The following PAK4 variants were observed in gnomAD, a reference collection of about 807,000 sequenced individuals.
PAK4 encodes the protein serine/threonine-protein kinase PAK 4.
PAK4 carries 49 observed loss-of-function variants against 53.5 expected under a neutral mutation model. The ratio of observed to expected loss-of-function variants is 0.92; its 90% CI spans 0.73 to 1.16. The LOEUF is 1.16. Ranked by LOEUF, PAK4 falls within the 50% of genes most tolerant of loss-of-function variation. The pLI, the probability that PAK4 is intolerant of heterozygous loss-of-function variation, is 0.00. For missense variants in PAK4, 824 were observed against 850.7 expected (o/e 0.97, Z 0.39); for synonymous variants, 376 against 375.6 (o/e 1.00, Z -0.01).
At chr19:39,167,950 C>T (rs2074406302) in intron 1 of PAK4, 1 of 152,382 alleles carries the variant, frequency 6.6e-6, no homozygotes, top group African/African-American at 2.4e-5. Flanking sequence ...ACCTGCATGT[C>T]CCCTCGTCCC....
chr19:39,167,169 A>T (rs946994039), intron 1 of PAK4, among the ~76,000 whole-genome samples: 3 of 152,096 alleles, frequency 2.0e-5, no homozygotes, highest in Non-Finnish European at 4.4e-5. Context: ...GAGGGGTCAC[A>T]TGGCTGATCC....
intron 1 of PAK4, among the ~76,000 whole-genome samples, chr19:39,142,716 G>A (rs892010259): frequency 1.3e-5 from 2 of 152,188 alleles, no homozygotes; most frequent in African/African-American, 4.8e-5. Context: ...TCCGCATCGC[G>A]TGGTGGTGAC....
exon 2 of PAK4, chr19:39,169,595 G>C: frequency 1.2e-6 from 2 of 1,612,156 alleles, no homozygotes; most frequent in Non-Finnish European, 8.5e-7. Context: ...TCTCCGCGCC[G>C]TCCAACTTCG....
chr19:39,151,737 A>G (rs989085902), intron 1 of PAK4, among the ~76,000 whole-genome samples: 2 of 152,346 alleles, frequency 1.3e-5, no homozygotes, highest in African/African-American at 4.8e-5. Flanking sequence ...GCCCAAAAGT[A>G]CATGGAAAAT....
intron 1 of PAK4, among the ~76,000 whole-genome samples, chr19:39,153,471 T>TCACACTG (rs2074126710): frequency 8.4e-6 from 1 of 118,818 alleles, no homozygotes; most frequent in African/African-American, 2.8e-5. Flanking sequence ...AAACAGAGTC[T>TCACACTG]CACTCTGTCA....
At chr19:39,145,478 C>G (rs979728606) in intron 1 of PAK4, among the ~76,000 whole-genome samples, 52 of 152,140 alleles carry the variant, frequency 3.4e-4, no homozygotes, top group African/African-American at 1.3e-3. Flanking sequence ...GAAAGCAGCT[C>G]TGTCCTGGGG....
intron 1 of PAK4, among the ~76,000 whole-genome samples, chr19:39,140,546 T>C (rs2145144482): frequency 6.6e-6 from 1 of 152,362 alleles, no homozygotes; most frequent in East Asian, 1.9e-4. Flanking sequence ...TAGGACTGCC[T>C]GTCGGTCAGT....
At chr19:39,150,562 G>A (rs945217414) in intron 1 of PAK4, among the ~76,000 whole-genome samples, 4 of 151,906 alleles carry the variant, frequency 2.6e-5, no homozygotes, top group African/African-American at 7.3e-5. Context: ...CCTTGATTCC[G>A]TCCTTCACAG....
At chr19:39,131,003 C>T (rs913020168) in intron 1 of PAK4, among the ~76,000 whole-genome samples, 3 of 151,834 alleles carry the variant, frequency 2.0e-5, no homozygotes, top group African/African-American at 4.8e-5. Flanking sequence ...AGGTCATCAG[C>T]GCTTTACCCC....
chr19:39,141,558 T>C (rs1462359514), intron 1 of PAK4, among the ~76,000 whole-genome samples: 1 of 151,972 alleles, frequency 6.6e-6, no homozygotes, highest in East Asian at 1.9e-4. Flanking sequence ...TCAAGTGATA[T>C]AACCATCTCA....
intron 1 of PAK4, among the ~76,000 whole-genome samples, chr19:39,131,940 G>A (rs1568495295): frequency 6.6e-6 from 1 of 152,210 alleles, no homozygotes; most frequent in African/African-American, 2.4e-5. Flanking sequence ...ATGTGTGTGC[G>A]TCGTGCTTAG....
rs1376719204 is a variant in PAK4, at chr19:39,175,558, G to T, written c.1359+120G>T. 3 of 1,126,466 alleles carry T rather than the reference G, an allele frequency of 2.7e-6. No individual in the cohort carries two copies. The highest frequency in any genetic ancestry group is 3.8e-6 in the Non-Finnish European group (3 of 797,602). The allele number at this position is 1,126,466 out of a possible 1,614,324, so 69.8% of individuals were successfully genotyped here. ...GACCCCCAGGTCTGTGTCTTGAGGAGCTGGGAACTTCGTCCCTCCCTGGTG... is the reference window on the plus strand; with the variant it reads ...GACCCCCAGGTCTGTGTCTTGAGGATCTGGGAACTTCGTCCCTCCCTGGTG... On this transcript the variant is annotated intron_variant, in intron 6 of 8. Transcript: ENST00000358301. This position sits in a 1 kb window ranked among gnomAD's most constrained non-coding sequence, Gnocchi z 4.7.
chr19:39,170,471 A>G (rs1453175144), intron 2 of PAK4, among the ~76,000 whole-genome samples: 2 of 152,122 alleles, frequency 1.3e-5, no homozygotes, highest in African/African-American at 4.8e-5. Context: ...ATGTGAAATC[A>G]TAAGAGTTGT....
At chr19:39,136,447 C>T (rs1964304077) in intron 1 of PAK4, 1 of 152,178 alleles carries the variant, frequency 6.6e-6, no homozygotes, top group African/African-American at 2.4e-5. Flanking sequence ...CTTGCTGCCC[C>T]CTGGGCAGGC....
At chr19:39,139,696 C>T (rs935692424) in intron 1 of PAK4, among the ~76,000 whole-genome samples, 1 of 152,216 alleles carries the variant, frequency 6.6e-6, no homozygotes, top group East Asian at 1.9e-4. Context: ...GATCCATCCT[C>T]CTGCCCACTC....
At chr19:39,146,126 G>C (rs541143052) in intron 1 of PAK4, among the ~76,000 whole-genome samples, 27 of 152,352 alleles carry the variant, frequency 1.8e-4, no homozygotes, top group Admixed American at 1.6e-3. Flanking sequence ...ACTCATTTTT[G>C]TTGATAGTAA....
intron 1 of PAK4, among the ~76,000 whole-genome samples, chr19:39,163,195 A>G (rs1456693908): frequency 4.6e-5 from 7 of 152,050 alleles, no homozygotes; most frequent in East Asian, 3.9e-4. Flanking sequence ...GGTGAGTGGG[A>G]CCCAATGGTG....
At position 39,130,238 on chromosome 19, in the gene PAK4, G is replaced by A. The variant is rs541477439; in HGVS notation, c.-23+4319G>A. 3.6e-5 allele frequency among the ~76,000 whole-genome samples: 3 copies of A among 83,100 alleles called. No homozygotes were observed. The South Asian group carries it at 1.0e-3, about 29-fold the overall frequency. The allele number at this position is 83,100 out of a possible 152,430, so 54.5% of individuals were successfully genotyped here. A position where few individuals can be genotyped will look rare whatever the true frequency, so the allele number is the denominator to read the frequency against. ...AGAGGGATCAGGGTGGGACTGGGGG[G>A]GACCCAGGCAGAGTGGTCAGAGAAG... On this transcript the variant is annotated intron_variant, in intron 1 of 8. Transcript: ENST00000358301.
chr19:39,176,807 G>A lies in PAK4; in HGVS notation c.1485+92G>A, dbSNP rs761426414. 7.5e-5 allele frequency: 111 copies of A among 1,477,812 alleles called. 1 individual carries two copies. Among genetic ancestry groups the A allele is most frequent in the Non-Finnish European group, 9.7e-5 (105 of 1,084,280 alleles). 91.5% of individuals were successfully genotyped at this position (1,477,812 alleles called of 1,614,324 possible). A position where few individuals can be genotyped will look rare whatever the true frequency, so the allele number is the denominator to read the frequency against. On this transcript the variant is annotated intron_variant, in intron 7 of 8. Coordinates refer to ENST00000358301, the Ensembl canonical transcript of PAK4. ...GCTGGCGGGAGATGGGGCCCAGTCTGGGGAGTCATTGCCAGGAATGGTGCT... is the reference window on the plus strand; with the variant it reads ...GCTGGCGGGAGATGGGGCCCAGTCTAGGGAGTCATTGCCAGGAATGGTGCT...
Sources: allele counts gnomAD v4.1 joint callset (sites outside exome capture counted in the v4.1 genomes callset), GRCh38; gene constraint gnomAD v4.1.1; non-coding constraint Gnocchi (gnomAD v3.1); transcripts MANE v1.5; gene names NCBI Gene and HGNC (gene_info 2026-07-23, HGNC 2026-07-21).